PLXDC2: variants seen among roughly 807,000 people sequenced by gnomAD.
PLXDC2 encodes plexin domain-containing protein 2.
In PLXDC2, 40 loss-of-function variants were observed where a neutral mutation model predicts 68.9. That is an observed-to-expected ratio of 0.58 (90% CI 0.45 to 0.76). The LOEUF (loss-of-function observed/expected upper bound fraction) is 0.76, where lower values mean the gene tolerates loss of function less well. Ranked by LOEUF, PLXDC2 falls within the 30% of genes least tolerant of loss-of-function variation. The pLI is 0.00. For missense variants in PLXDC2, 644 were observed against 661.9 expected (o/e 0.97, Z 0.30); for synonymous variants, 243 against 234.2 (o/e 1.04, Z -0.34).
chr10:20,060,334 A>G (rs1205550529), intron 3 of PLXDC2, among the ~76,000 whole-genome samples: 2 of 152,126 alleles, frequency 1.3e-5, no homozygotes, highest in Non-Finnish European at 2.9e-5. Context: ...TATTACTTTT[A>G]TAAGCAAAGT....
At chr10:19,868,188 G>A (rs1282977880) in intron 1 of PLXDC2, among the ~76,000 whole-genome samples, 1 of 152,008 alleles carries the variant, frequency 6.6e-6, no homozygotes, top group African/African-American at 2.4e-5. Flanking sequence ...TGTTTCACGG[G>A]GAATTTGTGT....
intron 6 of PLXDC2, among the ~76,000 whole-genome samples, chr10:20,163,182 T>A (rs1834329146): frequency 6.6e-6 from 1 of 152,226 alleles, no homozygotes; most frequent in Admixed American, 6.5e-5. Flanking sequence ...GAATTGAGCA[T>A]ACTGACACAA....
intron 1 of PLXDC2, among the ~76,000 whole-genome samples, chr10:19,862,153 G>A: frequency 6.6e-6 from 1 of 152,290 alleles, no homozygotes; most frequent in Middle Eastern, 3.4e-3. Context: ...TGAATTATAT[G>A]TATAGCCGTA....
At chr10:20,136,654 T>C (rs1833937038) in intron 4 of PLXDC2, among the ~76,000 whole-genome samples, 1 of 152,222 alleles carries the variant, frequency 6.6e-6, no homozygotes, top group South Asian at 2.1e-4. Flanking sequence ...TTGATTAATA[T>C]GTAGAGATAA....
intron 13 of PLXDC2, among the ~76,000 whole-genome samples, chr10:20,268,262 T>C (rs1186798990): frequency 6.6e-6 from 1 of 152,182 alleles, no homozygotes; most frequent in Non-Finnish European, 1.5e-5. Context: ...AATTGCAAAA[T>C]AAGTAAATCA....
intron 2 of PLXDC2, among the ~76,000 whole-genome samples, chr10:20,003,938 G>A (rs942789084): frequency 4.6e-5 from 7 of 152,098 alleles, no homozygotes; most frequent in Non-Finnish European, 2.9e-5. Context: ...CGTCACGTAC[G>A]GTCTGCTCAT....
intron 4 of PLXDC2, among the ~76,000 whole-genome samples, chr10:20,128,037 AG>A (rs1173623712): frequency 6.6e-6 from 1 of 152,168 alleles, no homozygotes; most frequent in Non-Finnish European, 1.5e-5. Flanking sequence ...CAGAAATTCC[AG>A]GGGGAACCAA....
At chr10:19,937,357 A>G (rs1050408725) in intron 1 of PLXDC2, among the ~76,000 whole-genome samples, 10 of 151,742 alleles carry the variant, frequency 6.6e-5, no homozygotes, top group Non-Finnish European at 1.5e-4. Context: ...TCTGCAGAGC[A>G]TCTTCCTGGG....
At chr10:20,234,560 C>T (rs112974484) in intron 12 of PLXDC2, among the ~76,000 whole-genome samples, 1,789 of 151,838 alleles carry the variant, frequency 0.012, 19 homozygotes, top group Non-Finnish European at 0.017. Flanking sequence ...TGTTTTCTTT[C>T]TGTCCTATGT....
At chr10:19,904,376 A>G (rs1282604840) in intron 1 of PLXDC2, among the ~76,000 whole-genome samples, 10 of 151,938 alleles carry the variant, frequency 6.6e-5, no homozygotes, top group Non-Finnish European at 1.5e-4. Context: ...GCTGAGTCAT[A>G]CAGGTCACCA....
intron 4 of PLXDC2, among the ~76,000 whole-genome samples, chr10:20,108,310 C>T (rs1833517440): frequency 6.6e-6 from 1 of 152,128 alleles, no homozygotes; most frequent in African/African-American, 2.4e-5. Context: ...GGGATTACCA[C>T]ATACCAATTT....
At position 19,986,749 on chromosome 10, in the gene PLXDC2, G is replaced by A. The variant is rs1047914147; in HGVS notation, c.113-15026G>A. ...TTTATCCACATGCCATTCCTTATAA[G>A]CAGTATACTTGAAAGTGTGTCTCAG... On this transcript the variant is annotated intron_variant, in intron 1 of 13. Transcript: ENST00000377252. Among the ~76,000 whole-genome samples, 15 of 152,124 alleles carry A rather than the reference G, an allele frequency of 9.9e-5. 1 individual carries two copies. Among genetic ancestry groups the A allele is most frequent in the Admixed American group, 8.5e-4 (13 of 15,280 alleles).
At chr10:20,232,863 C>T (rs2249519) in intron 12 of PLXDC2, among the ~76,000 whole-genome samples, 132,918 of 152,192 alleles carry the variant, frequency 0.87, 58,482 homozygotes, top group Middle Eastern at 0.95. Flanking sequence ...AAAATTCCTG[C>T]ATTTCAAATA....
intron 9 of PLXDC2, among the ~76,000 whole-genome samples, chr10:20,186,453 G>C (rs1285821702): frequency 6.6e-6 from 1 of 151,794 alleles, no homozygotes; most frequent in African/African-American, 2.4e-5. Flanking sequence ...ACACATGCAG[G>C]CTTGTTATAT....
chr10:19,997,826 A>G (rs983429368), intron 1 of PLXDC2, among the ~76,000 whole-genome samples: 8 of 152,214 alleles, frequency 5.3e-5, no homozygotes, highest in Admixed American at 5.2e-4. Flanking sequence ...TGTTTATTGG[A>G]AAAACAATGA....
intron 13 of PLXDC2, among the ~76,000 whole-genome samples, chr10:20,256,557 T>C (rs903880220): frequency 2.0e-5 from 3 of 152,188 alleles, no homozygotes; most frequent in South Asian, 4.1e-4. Context: ...TAAAATAAAT[T>C]TGTTATAATT....
Position 20,150,303 on chromosome 10 carries a change from C to T in PLXDC2, c.783+2401C>T, listed in dbSNP as rs115298187. ...GGTGGTGTTTGGTTACATGGATTTACATTCCTTTGGTTATATACCCAGTAA... is the reference window on the plus strand; with the variant it reads ...GGTGGTGTTTGGTTACATGGATTTATATTCCTTTGGTTATATACCCAGTAA... On this transcript the variant is annotated intron_variant, in intron 6 of 13. Transcript: ENST00000377252. Among the ~76,000 whole-genome samples the T allele has an allele frequency of 4.3e-3, 651 of 152,278 alleles. 3 individuals are homozygous for T. The highest frequency in any genetic ancestry group is 0.015 in the African/African-American group (612 of 41,560).
At chr10:20,146,619 G>A (rs1288293897) in intron 5 of PLXDC2, among the ~76,000 whole-genome samples, 1 of 145,580 alleles carries the variant, frequency 6.9e-6, no homozygotes, top group Non-Finnish European at 1.5e-5. Flanking sequence ...CAGTGATAAT[G>A]GCTAAAAGCA....
At chr10:19,850,054 G>A (rs543545493) in intron 1 of PLXDC2, among the ~76,000 whole-genome samples, 4 of 152,208 alleles carry the variant, frequency 2.6e-5, no homozygotes, top group Admixed American at 2.0e-4. Context: ...GACCTAAGGT[G>A]GTAGTCAGTA....
Sources: allele counts gnomAD v4.1 joint callset (sites outside exome capture counted in the v4.1 genomes callset), GRCh38; gene constraint gnomAD v4.1.1; transcripts MANE v1.5; gene names NCBI Gene and HGNC (gene_info 2026-07-23, HGNC 2026-07-21).